Variants in GFRA2 observed in about 807,000 individuals in gnomAD.
GFRA2 encodes GDNF family receptor alpha 2.
A neutral mutation model predicts 48.3 loss-of-function variants in GFRA2; 17 were observed. The ratio of observed to expected loss-of-function variants is 0.35; its 90% confidence interval spans 0.24 to 0.53. The LOEUF is 0.53. Among genes scored for constraint, GFRA2 ranks in the 20% least tolerant of loss-of-function variants. GFRA2 has a pLI of 0.93. For missense variants in GFRA2, 660 were observed against 637.3 expected (o/e 1.04, Z -0.38); for synonymous variants, 305 against 257.2 (o/e 1.19, Z -1.78).
intron 4 of GFRA2, among the ~76,000 whole-genome samples, chr8:21,730,679 C>T (rs565949520): frequency 6.6e-6 from 1 of 152,264 alleles, no homozygotes; most frequent in East Asian, 1.9e-4. Context: ...ACACAGTCCA[C>T]ACAAGCTCAC....
At chr8:21,795,152 G>C (rs1239492006) in intron 2 of GFRA2, among the ~76,000 whole-genome samples, 1 of 152,132 alleles carries the variant, frequency 6.6e-6, no homozygotes, top group Admixed American at 6.5e-5. Flanking sequence ...CATGGGGGTT[G>C]GACAGAGTGG....
At chr8:21,727,644 G>A (rs1803943425) in intron 4 of GFRA2, among the ~76,000 whole-genome samples, 1 of 152,154 alleles carries the variant, frequency 6.6e-6, no homozygotes, top group Non-Finnish European at 1.5e-5. Flanking sequence ...GGTTAGACAG[G>A]CCACAGTCCG....
rs78396642 is a variant in GFRA2 at position 21,730,492 on chromosome 8, G to A, written c.794+20096C>T. ...CATGGGTTACCTAAGGTCACTCCTC[G>A]GCCCCTATCTGCACCACAGAGGGAG... is the stretch of plus-strand genomic sequence containing the variant. On this transcript the variant is annotated intron_variant, in intron 4 of 8. Coordinates refer to ENST00000524240, the MANE Select transcript of GFRA2 (RefSeq NM_001495.5). 3.0e-4 allele frequency among the ~76,000 whole-genome samples: 45 copies of A among 152,234 alleles called. No homozygotes were observed. The East Asian group carries it at 7.9e-3, about 27-fold the overall frequency.
intron 4 of GFRA2, among the ~76,000 whole-genome samples, chr8:21,726,238 G>A (rs1202012462): frequency 6.6e-6 from 1 of 152,030 alleles, no homozygotes; most frequent in Non-Finnish European, 1.5e-5. Flanking sequence ...TCCTTAAGCT[G>A]CACCTGTGCA....
Position 21,705,985 on chromosome 8 carries a change from C to G in GFRA2, c.851G>C (p.Ser284Thr), listed in dbSNP as rs139085327. The change falls in exon 5 of 9, where the codon AGC becomes ACC. Residue 284 changes from serine (S) to threonine (T), a missense_variant. Transcript: ENST00000524240. ...CGCCTGGTAATTGTCCGCAGGGCAGCTGGTGACCGTCTGGTAGGAGGCTCG... is the reference window on the plus strand; with the variant it reads ...CGCCTGGTAATTGTCCGCAGGGCAGGTGGTGACCGTCTGGTAGGAGGCTCG... ...NCRASYQTVT[S>T]CPADNYQACL... 6.3e-7 allele frequency: 1 copy of G among 1,580,746 alleles called. No individual in the cohort carries two copies. The highest frequency in any genetic ancestry group is 2.3e-5 in the East Asian group (1 of 43,278).
At chr8:21,774,453 C>T (rs1806592245) in intron 3 of GFRA2, among the ~76,000 whole-genome samples, 1 of 152,140 alleles carries the variant, frequency 6.6e-6, no homozygotes, top group Non-Finnish European at 1.5e-5. Flanking sequence ...AAACCCAGGG[C>T]AGAACAGATC....
intron 2 of GFRA2, among the ~76,000 whole-genome samples, chr8:21,776,040 T>TGTGTTGTGTG (rs1806687873): frequency 8.0e-6 from 1 of 125,622 alleles, no homozygotes; most frequent in African/African-American, 2.8e-5. Context: ...TGTGTGTGTG[T>TGTGTTGTGTG]AGTGAAAAGC....
Position 21,782,725 on chromosome 8 carries a change from A to G in GFRA2, c.215T>C (p.Met72Thr). Residue 72 changes from methionine (M) to threonine (T), a missense_variant, in exon 2 of 9, where the codon ATG becomes ACG. Coordinates refer to ENST00000524240, the MANE Select transcript of GFRA2 (RefSeq NM_001495.5). ...CGCCTGGCACTCCTTGTTGGCCAGC[A>G]TGGTGTTGCGGTCGCGGCCTGCCAG... ...QCLAGRDRNT[M>T]LANKECQAAL... The G allele has an allele frequency of 6.3e-7, 1 of 1,598,120 alleles. No individual in the cohort carries two copies. The highest frequency in any genetic ancestry group is 8.5e-7 in the Non-Finnish European group (1 of 1,172,990).
intron 4 of GFRA2, among the ~76,000 whole-genome samples, chr8:21,738,958 G>C (rs775585887): frequency 2.6e-5 from 4 of 152,200 alleles, no homozygotes; most frequent in Non-Finnish European, 2.9e-5. Flanking sequence ...GAAAACAGGA[G>C]CTCCGTGCTG....
chr8:21,729,565 C>T (rs1804075862), intron 4 of GFRA2, among the ~76,000 whole-genome samples: 2 of 152,202 alleles, frequency 1.3e-5, no homozygotes, highest in African/African-American at 4.8e-5. Flanking sequence ...CTGGGCTTCA[C>T]TGTCATTAAA....
intron 4 of GFRA2, among the ~76,000 whole-genome samples, chr8:21,745,413 C>T (rs1220153909): frequency 6.6e-6 from 1 of 152,204 alleles, no homozygotes; most frequent in Admixed American, 6.5e-5. Flanking sequence ...GGGCTGGGGC[C>T]TTACTTCCAG....
chr8:21,716,847 C>T (rs188057461), intron 4 of GFRA2, among the ~76,000 whole-genome samples: 8 of 152,212 alleles, frequency 5.3e-5, no homozygotes, highest in African/African-American at 1.4e-4. Flanking sequence ...AAGGACCTCC[C>T]GAAACATGCT....
intron 2 of GFRA2, among the ~76,000 whole-genome samples, chr8:21,794,317 C>T (rs1807631582): frequency 1.7e-5 from 2 of 120,780 alleles, no homozygotes; most frequent in South Asian, 2.8e-4. Flanking sequence ...GTGGCGTGAT[C>T]TTGGCTTACC....
At chr8:21,727,383 G>T (rs116419681) in intron 4 of GFRA2, among the ~76,000 whole-genome samples, 2 of 152,204 alleles carry the variant, frequency 1.3e-5, no homozygotes, top group East Asian at 3.9e-4. Flanking sequence ...GAGGATTGGG[G>T]GTCCCTCAAG....
intron 4 of GFRA2, among the ~76,000 whole-genome samples, chr8:21,732,815 T>C (rs1804263717): frequency 6.6e-6 from 1 of 152,162 alleles, no homozygotes; most frequent in Non-Finnish European, 1.5e-5. Context: ...CACATAAGAA[T>C]AGCTCTGAAA....
intron 2 of GFRA2, among the ~76,000 whole-genome samples, chr8:21,796,021 T>C (rs1455625988): frequency 6.6e-6 from 1 of 152,214 alleles, no homozygotes; most frequent in Non-Finnish European, 1.5e-5. Context: ...CTGTGAAACC[T>C]CATTCCTCGC....
chr8:21,762,217 G>C (rs1805948107), intron 3 of GFRA2, among the ~76,000 whole-genome samples: 2 of 152,116 alleles, frequency 1.3e-5, no homozygotes, highest in Non-Finnish European at 1.5e-5. Flanking sequence ...CTCACCACCA[G>C]GAGTGGGGGC....
chr8:21,779,233 G>A (rs1806855236), intron 2 of GFRA2, among the ~76,000 whole-genome samples: 1 of 152,184 alleles, frequency 6.6e-6, no homozygotes, highest in African/African-American at 2.4e-5. Flanking sequence ...GAAGCCATCT[G>A]CAGTCAGGCA....
At chr8:21,746,417 G>A (rs1346532465) in intron 4 of GFRA2, among the ~76,000 whole-genome samples, 1 of 152,126 alleles carries the variant, frequency 6.6e-6, no homozygotes, top group Non-Finnish European at 1.5e-5. Context: ...TGGGTGTGTT[G>A]GTGGGAGATA....
Sources: gnomAD v4.1 joint callset for allele counts (sites outside exome capture counted in the v4.1 genomes callset) on GRCh38, gnomAD v4.1.1 for gene constraint, MANE v1.5 for transcripts, NCBI Gene and HGNC (gene_info 2026-07-23, HGNC 2026-07-21) for gene names.